The following TBC1D22A variants were observed in gnomAD, a reference collection of about 807,000 sequenced individuals.
TBC1D22A encodes TBC1 domain family member 22A.
A neutral mutation model predicts 60.2 loss-of-function variants in TBC1D22A; 38 were observed. The ratio of observed to expected loss-of-function variants is 0.63; its 90% confidence interval spans 0.49 to 0.83. The LOEUF is 0.83. Ranked by LOEUF, TBC1D22A falls within the 40% of genes least tolerant of loss-of-function variation. TBC1D22A has a pLI of 0.00. For synonymous variants in TBC1D22A, 302 were observed against 281.7 expected (o/e 1.07, Z -0.72); for missense variants, 628 against 701.0 (o/e 0.90, Z 1.18).
At chr22:47,092,659 A>C (rs968490494) in intron 11 of TBC1D22A, among the ~76,000 whole-genome samples, 4 of 152,228 alleles carry the variant, frequency 2.6e-5, no homozygotes, top group Admixed American at 6.5e-5. Context: ...GGCTGGGGAC[A>C]GAACGTGGGT....
At chr22:46,900,377 C>T (rs1466637358) in intron 7 of TBC1D22A, among the ~76,000 whole-genome samples, 1 of 152,040 alleles carries the variant, frequency 6.6e-6, no homozygotes, top group African/African-American at 2.4e-5. Flanking sequence ...GTCTTGAACT[C>T]CTGACCTGGA....
chr22:46,930,716 G>A (rs1160448824), intron 8 of TBC1D22A, among the ~76,000 whole-genome samples: 2 of 151,854 alleles, frequency 1.3e-5, no homozygotes, highest in African/African-American at 4.8e-5. Flanking sequence ...ACCTGCCTCG[G>A]CCTCCCAAAG....
At chr22:46,832,603 G>A (rs111253793) in intron 4 of TBC1D22A, among the ~76,000 whole-genome samples, 98 of 152,244 alleles carry the variant, frequency 6.4e-4, no homozygotes, top group African/African-American at 2.2e-3. Context: ...CCGAGATCGC[G>A]CCACTGCACT....
At chr22:47,160,979 TC>T (rs1431930768) in intron 12 of TBC1D22A, among the ~76,000 whole-genome samples, 1 of 152,102 alleles carries the variant, frequency 6.6e-6, no homozygotes, top group African/African-American at 2.4e-5. Flanking sequence ...CCTGAGCCTT[TC>T]TCAGTTCTAG....
At chr22:47,099,257 T>C (rs868318411) in intron 11 of TBC1D22A, among the ~76,000 whole-genome samples, 105 of 152,186 alleles carry the variant, frequency 6.9e-4, no homozygotes, top group African/African-American at 2.4e-3. Context: ...GCGCTGTCTA[T>C]TCACATTACC....
chr22:46,790,309 C>G (rs745998852), intron 1 of TBC1D22A, among the ~76,000 whole-genome samples: 5 of 152,260 alleles, frequency 3.3e-5, no homozygotes, highest in Non-Finnish European at 7.3e-5. Flanking sequence ...GCTCTGACCA[C>G]AGCCAGGAAG....
intron 8 of TBC1D22A, among the ~76,000 whole-genome samples, chr22:46,941,808 T>C (rs576086209): frequency 1.9e-3 from 252 of 135,636 alleles, no homozygotes; most frequent in African/African-American, 7.6e-3. Flanking sequence ...AGAATATATA[T>C]AGAATATATA....
chr22:47,058,496 A>G (rs925136368), intron 11 of TBC1D22A, among the ~76,000 whole-genome samples: 3 of 152,014 alleles, frequency 2.0e-5, no homozygotes, highest in Non-Finnish European at 4.4e-5. Context: ...GTCCAGCATT[A>G]GAGCCCTCCT....
intron 4 of TBC1D22A, among the ~76,000 whole-genome samples, chr22:46,839,864 A>G (rs888402376): frequency 6.6e-6 from 1 of 152,240 alleles, no homozygotes; most frequent in Admixed American, 6.5e-5. Flanking sequence ...AGTCTTTTCA[A>G]TAAGTTTGTT....
At position 47,112,869 on chromosome 22, in the gene TBC1D22A, G is replaced by A. The variant is rs372004519; in HGVS notation, c.1425+1266G>A. Among the ~76,000 whole-genome samples the A allele has an allele frequency of 4.4e-4, 67 of 152,330 alleles. 2 individuals are homozygous for A. The South Asian group carries it at 0.012, about 28-fold the overall frequency. On this transcript the variant is annotated intron_variant, in intron 12 of 12. Transcript: ENST00000337137. ...GTGCACCTGGCCTGCCCCTCCGCCCGGCTGATGCAAGGCTGCTGGGGCTGG... is the reference window on the plus strand; with the variant it reads ...GTGCACCTGGCCTGCCCCTCCGCCCAGCTGATGCAAGGCTGCTGGGGCTGG...
chr22:46,965,224 G>A lies in TBC1D22A; in HGVS notation c.1016-9066G>A, dbSNP rs533789425. On this transcript the variant is annotated intron_variant, in intron 8 of 12. Transcript: ENST00000337137. ...CAGTGGGTGTATTTCTTGATTTTTC[G>A]TTGTGTTATTAACAGTAAAGTGCAA... 8.5e-5 allele frequency among the ~76,000 whole-genome samples: 13 copies of A among 152,338 alleles called. No homozygotes were observed. In the South Asian group the frequency reaches 1.2e-3, roughly 15 times the overall value.
At chr22:47,021,614 C>G (rs890995591) in intron 10 of TBC1D22A, among the ~76,000 whole-genome samples, 1 of 151,854 alleles carries the variant, frequency 6.6e-6, no homozygotes, top group Non-Finnish European at 1.5e-5. Flanking sequence ...CCTAGCAGAA[C>G]CTCACCTGTC....
intron 4 of TBC1D22A, among the ~76,000 whole-genome samples, chr22:46,820,457 G>T (rs1261553776): frequency 6.6e-6 from 1 of 152,178 alleles, no homozygotes; most frequent in African/African-American, 2.4e-5. Flanking sequence ...TGGTTTCAAA[G>T]AACTTTTTGA....
chr22:46,892,328 C>A (rs571529210), intron 6 of TBC1D22A, among the ~76,000 whole-genome samples: 1 of 151,716 alleles, frequency 6.6e-6, no homozygotes, highest in East Asian at 1.9e-4. Context: ...ATATGCCTTA[C>A]CTCTGTTACA....
chr22:46,887,440 C>T (rs1159555535), intron 5 of TBC1D22A, among the ~76,000 whole-genome samples: 3 of 152,136 alleles, frequency 2.0e-5, no homozygotes, highest in Admixed American at 6.5e-5. Flanking sequence ...CAGGCCCACT[C>T]CCAGGTATAC....
intron 12 of TBC1D22A, among the ~76,000 whole-genome samples, chr22:47,148,759 C>A (rs2067383686): frequency 6.6e-6 from 1 of 151,784 alleles, no homozygotes; most frequent in African/African-American, 2.4e-5. Context: ...CCTCTGGGTT[C>A]TTCTCCTGGG....
intron 10 of TBC1D22A, among the ~76,000 whole-genome samples, chr22:47,019,229 C>T (rs2061999517): frequency 1.3e-5 from 2 of 152,226 alleles, no homozygotes; most frequent in Non-Finnish European, 2.9e-5. Context: ...GCGGTCCCAG[C>T]ACCTGCTCGT....
chr22:47,161,600 G>C (rs1281188624), intron 12 of TBC1D22A, among the ~76,000 whole-genome samples: 1 of 152,234 alleles, frequency 6.6e-6, no homozygotes, highest in African/African-American at 2.4e-5. Context: ...CAACCACCTA[G>C]TTTTAACAGC....
chr22:47,006,905 G>A (rs1039998365), intron 10 of TBC1D22A, among the ~76,000 whole-genome samples: 1 of 152,184 alleles, frequency 6.6e-6, no homozygotes, highest in African/African-American at 2.4e-5. Flanking sequence ...GTATTGCTGG[G>A]TTGAGCCAAG....
Sources: allele counts gnomAD v4.1 joint callset (sites outside exome capture counted in the v4.1 genomes callset), GRCh38; gene constraint gnomAD v4.1.1; transcripts MANE v1.5; gene names NCBI Gene and HGNC (gene_info 2026-07-23, HGNC 2026-07-21).